Variants in AKAP6 observed in about 807,000 individuals in gnomAD.
AKAP6 encodes A-kinase anchor protein 6.
In AKAP6, 58 loss-of-function variants were observed where a neutral mutation model predicts 188.5. The observed-to-expected ratio is 0.31, with a 90% CI of 0.25 to 0.38. The LOEUF (loss-of-function observed/expected upper bound fraction) is 0.38. Among genes scored for constraint, AKAP6 ranks in the 10% least tolerant of loss-of-function variants. The probability of loss-of-function intolerance (pLI) is 1.00; values close to 1 mark genes in which losing one functional copy is unlikely to be tolerated. For missense variants in AKAP6, 2,710 were observed against 2,740.0 expected, an observed-to-expected ratio of 0.99 and a Z score of 0.24; for synonymous variants, 989 against 998.6, an observed-to-expected ratio of 0.99 and a Z score of 0.18.
In AKAP6 at chr14:32,355,291, A is replaced by T. The variant is rs188327320; in HGVS notation, c.-35+25883A>T. 3.5e-3 allele frequency among the ~76,000 whole-genome samples: 536 copies of T among 152,256 alleles called. 1 individual carries two copies. The highest frequency in any genetic ancestry group is 0.014 in the South Asian group (69 of 4,820). On this transcript the variant is annotated intron_variant, in intron 1 of 13. Coordinates refer to ENST00000280979, the MANE Select transcript of AKAP6 (RefSeq NM_004274.5). ...CATCCTTGAAATTTTCTGTTGTTGT[A>T]TGTAAATCCTGCAATGTTGCAGTGT...
At chr14:32,783,027 T>C (rs981594376) in intron 12 of AKAP6, among the ~76,000 whole-genome samples, 2 of 152,064 alleles carry the variant, frequency 1.3e-5, no homozygotes, top group African/African-American at 2.4e-5. Context: ...GCTACAGTAG[T>C]CAAGAAAGTA....
chr14:32,565,183 G>A (rs1216859944), intron 4 of AKAP6, among the ~76,000 whole-genome samples: 1 of 152,068 alleles, frequency 6.6e-6, no homozygotes, highest in Non-Finnish European at 1.5e-5. Flanking sequence ...TTGCTGTAGA[G>A]TTCCAGGCTT....
chr14:32,654,175 G>T (rs1422117886), intron 7 of AKAP6, among the ~76,000 whole-genome samples: 1 of 152,070 alleles, frequency 6.6e-6, no homozygotes. Flanking sequence ...TTCAAAAAAT[G>T]TCATACTCAA....
At chr14:32,727,840 A>T (rs1332243214) in intron 9 of AKAP6, among the ~76,000 whole-genome samples, 3 of 152,218 alleles carry the variant, frequency 2.0e-5, no homozygotes, top group African/African-American at 7.2e-5. Flanking sequence ...TGCAAGAAAT[A>T]ACAACTATTA....
intron 8 of AKAP6, among the ~76,000 whole-genome samples, chr14:32,684,667 G>C (rs1290027374): frequency 6.6e-6 from 1 of 151,452 alleles, no homozygotes; most frequent in Non-Finnish European, 1.5e-5. Flanking sequence ...ATGGAACCTT[G>C]ATTGGGACAT....
At chr14:32,372,512 A>AT (rs1479181872) in intron 1 of AKAP6, among the ~76,000 whole-genome samples, 3 of 151,880 alleles carry the variant, frequency 2.0e-5, no homozygotes, top group South Asian at 2.1e-4. Flanking sequence ...ATAGTTATAT[A>AT]TTTTTTAACA....
At chr14:32,770,356 T>C (rs914747134) in intron 11 of AKAP6, among the ~76,000 whole-genome samples, 1 of 152,220 alleles carries the variant, frequency 6.6e-6, no homozygotes, top group Non-Finnish European at 1.5e-5. Flanking sequence ...GCAATCCCTT[T>C]CTTAGGCATA....
intron 11 of AKAP6, among the ~76,000 whole-genome samples, chr14:32,745,596 A>G (rs1054261726): frequency 1.3e-5 from 2 of 151,274 alleles, no homozygotes; most frequent in African/African-American, 2.4e-5. Context: ...CACCACCACT[A>G]TGACTGTGCT....
intron 2 of AKAP6, among the ~76,000 whole-genome samples, chr14:32,466,750 A>G (rs1293358200): frequency 6.7e-6 from 1 of 149,798 alleles, no homozygotes; most frequent in East Asian, 1.9e-4. Context: ...AAAAAAAAAA[A>G]AAAAGAGATA....
intron 2 of AKAP6, among the ~76,000 whole-genome samples, chr14:32,440,642 G>A (rs1010035782): frequency 6.6e-5 from 10 of 152,126 alleles, no homozygotes; most frequent in African/African-American, 2.4e-4. Flanking sequence ...TATTATGCAA[G>A]GAAATGTAAT....
intron 1 of AKAP6, among the ~76,000 whole-genome samples, chr14:32,429,651 G>A (rs1437874350): frequency 1.3e-5 from 2 of 152,152 alleles, no homozygotes; most frequent in African/African-American, 2.4e-5. Context: ...TCTTTTCCTA[G>A]TGGCAAAGGT....
intron 11 of AKAP6, among the ~76,000 whole-genome samples, chr14:32,748,254 T>C (rs1279218829): frequency 1.3e-5 from 2 of 152,176 alleles, no homozygotes; most frequent in Admixed American, 6.5e-5. Flanking sequence ...GAGGCTTAAG[T>C]GTGGATTCAA....
At position 32,823,055 on chromosome 14, in the gene AKAP6, G is replaced by A; in HGVS notation, c.5242G>A (p.Asp1748Asn). ...TGTCTCTTGCACCTCTGCTTGCACT[G>A]ATGATGAAGATGACAGCGACCTGCT... ...VNVSCTSACT[D>N]DEDDSDLLSS... The change falls in exon 13 of 14, where the codon GAT (aspartate) becomes AAT (asparagine). Residue 1748 changes from aspartate (D) to asparagine (N), a missense_variant. This residue lies in a region of AKAP6 where 2,473 missense variants were observed against 2,426.1 expected (regional missense o/e 1.02). Coordinates refer to ENST00000280979, the MANE Select transcript of AKAP6 (RefSeq NM_004274.5). 6.2e-7 allele frequency: 1 copy of A among 1,613,824 alleles called. No homozygotes were observed. The highest frequency in any genetic ancestry group is 8.5e-7 in the Non-Finnish European group (1 of 1,179,902).
At chr14:32,548,715 A>G (rs1883319415) in intron 4 of AKAP6, among the ~76,000 whole-genome samples, 1 of 152,172 alleles carries the variant, frequency 6.6e-6, no homozygotes, top group African/African-American at 2.4e-5. Flanking sequence ...CTGAGACGCA[A>G]ACTCACGTCT....
Position 32,822,539 on chromosome 14 carries a change from G to A in AKAP6, c.4726G>A (p.Asp1576Asn), listed in dbSNP as rs763463368. Reference protein sequence around the residue: ...SSIESLSPGGDLFGLGIFKNG... With the variant: ...SSIESLSPGGNLFGLGIFKNG... Reference sequence around the variant, plus strand: ...TATTGAGTCCCTTTCTCCAGGGGGTGATTTATTTGGATTGGGCATCTTTAA... The same window carrying A: ...TATTGAGTCCCTTTCTCCAGGGGGTAATTTATTTGGATTGGGCATCTTTAA... Residue 1576 changes from aspartate (D) to asparagine (N), a missense_variant, in exon 13 of 14, where the codon GAT becomes AAT. Transcript: ENST00000280979. The A allele has an allele frequency of 1.9e-5, 31 of 1,614,034 alleles. No individual in the cohort carries two copies. In the South Asian group the frequency reaches 3.4e-4, roughly 18 times the overall value.
intron 2 of AKAP6, chr14:32,473,680 G>T (rs558362616): frequency 6.6e-6 from 1 of 152,260 alleles, no homozygotes; most frequent in African/African-American, 2.4e-5. Context: ...GGGAGGTGCG[G>T]GGGGACTGAC....
At chr14:32,632,082 G>GT (rs1252105877) in intron 7 of AKAP6, among the ~76,000 whole-genome samples, 1 of 151,930 alleles carries the variant, frequency 6.6e-6, no homozygotes, top group Non-Finnish European at 1.5e-5. Flanking sequence ...CTGTTTGTTT[G>GT]TTTTTTGTTT....
At chr14:32,600,092 C>T (rs1270319834) in intron 6 of AKAP6, among the ~76,000 whole-genome samples, 3 of 152,128 alleles carry the variant, frequency 2.0e-5, no homozygotes, top group Non-Finnish European at 4.4e-5. Context: ...TAATAGAAGA[C>T]TGTAAGACAG....
At chr14:32,573,971 C>T (rs932092608) in intron 4 of AKAP6, among the ~76,000 whole-genome samples, 4 of 152,098 alleles carry the variant, frequency 2.6e-5, no homozygotes, top group African/African-American at 4.8e-5. Context: ...GGTGATAGTA[C>T]ACAGATAGAG....
Sources: allele counts gnomAD v4.1 joint callset (sites outside exome capture counted in the v4.1 genomes callset), GRCh38; gene constraint gnomAD v4.1.1; regional missense constraint gnomAD v4.1.1; transcripts MANE v1.5; gene names NCBI Gene and HGNC (gene_info 2026-07-23, HGNC 2026-07-21).